PALS2: variants seen among roughly 807,000 people sequenced by gnomAD.
PALS2 encodes the protein protein associated with LIN7 2, MAGUK p55 family member, also known as protein PALS2.
A neutral mutation model predicts 61.6 loss-of-function variants in PALS2; 27 were observed. The observed-to-expected ratio is 0.44, with a 90% CI of 0.32 to 0.60. The LOEUF is 0.60. Among genes scored for constraint, PALS2 ranks in the 20% least tolerant of loss-of-function variants. The probability of loss-of-function intolerance (pLI) is 0.05; values close to 1 mark genes in which losing one functional copy is unlikely to be tolerated. For synonymous variants in PALS2, 236 were observed against 218.6 expected, an observed-to-expected ratio of 1.08 and a Z score of -0.70; for missense variants, 554 against 639.4, an observed-to-expected ratio of 0.87 and a Z score of 1.44.
In PALS2 at chr7:24,671,393, G is replaced by T. The variant is rs77689145; in HGVS notation, c.1114+2733G>T. Among the ~76,000 whole-genome samples the T allele has an allele frequency of 9.5e-3, 1,440 of 152,282 alleles. 38 individuals carry two copies. The highest frequency in any genetic ancestry group is 0.091 in the East Asian group (474 of 5,184). On this transcript the variant is annotated intron_variant, in intron 9 of 11. Coordinates refer to ENST00000222644, the MANE Select transcript of PALS2 (RefSeq NM_001303037.2). ...AGGTTATTTGTCCTTTTCTTAAGCT[G>T]TAAGAGGAGGTCATATTATATTCTG...
In PALS2 at chr7:24,691,897, A is replaced by G. The variant is rs1489087778; in HGVS notation, c.*4283A>G. On this transcript the variant is annotated 3_prime_UTR_variant, in exon 12 of 12. Coordinates refer to ENST00000222644, the MANE Select transcript of PALS2 (RefSeq NM_001303037.2). ...TTCTTTTAAATAATGGGATTATTGT[A>G]TATAGTACAAATGAATACTCACAAA... 6.6e-6 allele frequency: 1 copy of G among 152,048 alleles called. No homozygotes were observed. The highest frequency in any genetic ancestry group is 1.5e-5 in the Non-Finnish European group (1 of 67,966). 9.4% of individuals were successfully genotyped at this position (152,048 alleles called of 1,614,324 possible). A position where few individuals can be genotyped will look rare whatever the true frequency, so the allele number is the denominator to read the frequency against.
At chr7:24,634,265 C>G (rs56166017) in intron 2 of PALS2, among the ~76,000 whole-genome samples, 6,156 of 152,142 alleles carry the variant, frequency 0.04, 178 homozygotes, top group South Asian at 0.083. Flanking sequence ...GAGTCTTGCT[C>G]TGCCGCCCAG....
Position 24,634,482 on chromosome 7 carries a change from G to T in PALS2, c.118-7234G>T, listed in dbSNP as rs551592163. ...CCTGACCTCGTGATCCATCCGCCTCGGCCTCCTAAAGTGCTGGGATTACAG... is the reference window on the plus strand; with the variant it reads ...CCTGACCTCGTGATCCATCCGCCTCTGCCTCCTAAAGTGCTGGGATTACAG... On this transcript the variant is annotated intron_variant, in intron 2 of 11. Transcript: ENST00000222644. 5.3e-5 allele frequency among the ~76,000 whole-genome samples: 8 copies of T among 152,156 alleles called. No individual in the cohort carries two copies. The South Asian group carries it at 1.0e-3, about 20-fold the overall frequency.
chr7:24,583,206 A>G (rs1191635605), intron 1 of PALS2, among the ~76,000 whole-genome samples: 2 of 152,034 alleles, frequency 1.3e-5, no homozygotes, highest in Non-Finnish European at 2.9e-5. Context: ...TCATATTTTT[A>G]TACAAATCAA....
Position 24,689,665 on chromosome 7 carries a change from G to T in PALS2, c.*2051G>T, listed in dbSNP as rs1310078278. On this transcript the variant is annotated 3_prime_UTR_variant, in exon 12 of 12. Coordinates refer to ENST00000222644, the MANE Select transcript of PALS2 (RefSeq NM_001303037.2). Reference sequence around the variant, plus strand: ...TTTCTTGTCCTAGGACAGGGAATTGGTGACAAAATGGATTATACTATTTTA... The same window carrying T: ...TTTCTTGTCCTAGGACAGGGAATTGTTGACAAAATGGATTATACTATTTTA... 1.3e-5 allele frequency: 2 copies of T among 151,692 alleles called. No individual in the cohort carries two copies. Among genetic ancestry groups the T allele is most frequent in the East Asian group, 3.9e-4 (2 of 5,180 alleles). The allele number at this position is 151,692 out of a possible 1,614,324, so 9.4% of individuals were successfully genotyped here. A position where few individuals can be genotyped will look rare whatever the true frequency, so the allele number is the denominator to read the frequency against.
At chr7:24,686,714 C>T (rs138717998) in intron 11 of PALS2, among the ~76,000 whole-genome samples, 3 of 152,232 alleles carry the variant, frequency 2.0e-5, no homozygotes, top group East Asian at 3.9e-4. Flanking sequence ...CCCACTGATT[C>T]TGAAACATAG....
intron 4 of PALS2, among the ~76,000 whole-genome samples, chr7:24,650,104 A>T (rs1786062921): frequency 6.6e-6 from 1 of 152,192 alleles, no homozygotes; most frequent in Non-Finnish European, 1.5e-5. Context: ...AGTTGTTATT[A>T]AAAATTGAAG....
At chr7:24,667,027 G>A (rs1212317837) in intron 8 of PALS2, 1 of 152,088 alleles carries the variant, frequency 6.6e-6, no homozygotes, top group Non-Finnish European at 1.5e-5. Context: ...AATATAGAAG[G>A]AAGAAGTAGG....
At chr7:24,594,574 C>T (rs138626400) in intron 1 of PALS2, among the ~76,000 whole-genome samples, 23 of 152,140 alleles carry the variant, frequency 1.5e-4, no homozygotes, top group African/African-American at 4.8e-4. Context: ...ATTTCAATAT[C>T]GTTATGTCTC....
At chr7:24,644,206 G>A (rs1785713244) in intron 3 of PALS2, among the ~76,000 whole-genome samples, 1 of 151,168 alleles carries the variant, frequency 6.6e-6, no homozygotes, top group Non-Finnish European at 1.5e-5. Flanking sequence ...TTACCACACG[G>A]ATATTAAGCC....
intron 1 of PALS2, among the ~76,000 whole-genome samples, chr7:24,585,268 G>C (rs376631187): frequency 0.032 from 4,705 of 146,802 alleles, 110 homozygotes; most frequent in African/African-American, 0.056. Flanking sequence ...TGGCCATTTT[G>C]ACGATATTGA....
At chr7:24,685,647 GTTTTT>G (rs34096637) in intron 11 of PALS2, among the ~76,000 whole-genome samples, 3 of 132,898 alleles carry the variant, frequency 2.3e-5, no homozygotes, top group African/African-American at 8.4e-5. Flanking sequence ...TGTTAACAGG[GTTTTT>G]TTTTTTTTTT....
At chr7:24,669,012 A>G (rs1162763104) in intron 9 of PALS2, among the ~76,000 whole-genome samples, 2 of 152,202 alleles carry the variant, frequency 1.3e-5, no homozygotes, top group Non-Finnish European at 2.9e-5. Context: ...ATTTTAGTGT[A>G]AAGAAAAGGG....
intron 2 of PALS2, among the ~76,000 whole-genome samples, chr7:24,639,434 T>TA (rs1456851188): frequency 6.7e-6 from 1 of 148,478 alleles, no homozygotes; most frequent in African/African-American, 2.5e-5. Flanking sequence ...ACACACACAC[T>TA]ACTTAGAATA....
intron 1 of PALS2, among the ~76,000 whole-genome samples, chr7:24,607,165 A>AT (rs1342604700): frequency 6.6e-6 from 1 of 152,110 alleles, no homozygotes; most frequent in African/African-American, 2.4e-5. Flanking sequence ...GTGTGGTTAG[A>AT]TTTTTTAAAA....
At chr7:24,680,645 G>A in intron 11 of PALS2, 125 bp downstream of exon 11, 1 of 1,248,666 alleles carries the variant, frequency 8.0e-7, no homozygotes, top group Non-Finnish European at 1.1e-6. Flanking sequence ...ACCCAGGCTG[G>A]AGTGCATTGA....
chr7:24,661,953 T>C (rs1201326490), intron 5 of PALS2, among the ~76,000 whole-genome samples: 2 of 152,172 alleles, frequency 1.3e-5, no homozygotes, highest in Non-Finnish European at 2.9e-5. Flanking sequence ...AAATTTCCTT[T>C]GGTTAAATTT....
At chr7:24,662,975 A>C (rs1786816985) in intron 5 of PALS2, among the ~76,000 whole-genome samples, 1 of 152,228 alleles carries the variant, frequency 6.6e-6, no homozygotes, top group African/African-American at 2.4e-5. Context: ...ATGTGTATAC[A>C]CAAATGAATT....
At chr7:24,642,010 T>A in intron 3 of PALS2, 142 bp downstream of exon 3, 3 of 840,058 alleles carry the variant, frequency 3.6e-6, no homozygotes, top group Non-Finnish European at 5.6e-6. Flanking sequence ...CTTGGTATTT[T>A]AATGTCCTCA....
Sources: gnomAD v4.1 joint callset for allele counts (sites outside exome capture counted in the v4.1 genomes callset) on GRCh38, gnomAD v4.1.1 for gene constraint, MANE v1.5 for transcripts, NCBI Gene and HGNC (gene_info 2026-07-23, HGNC 2026-07-21) for gene names.